PDCD6IP: variants seen among roughly 807,000 people sequenced by gnomAD.
PDCD6IP encodes programmed cell death 6-interacting protein.
A neutral mutation model predicts 103.7 loss-of-function variants in PDCD6IP; 43 were observed. The ratio of observed to expected loss-of-function variants is 0.41; its 90% CI spans 0.32 to 0.53. The LOEUF is 0.53. PDCD6IP is among the 20% of genes least tolerant of loss of function. PDCD6IP has a pLI of 0.16. For missense variants in PDCD6IP, 871 were observed against 1,036.7 expected, an observed-to-expected ratio of 0.84 and a Z score of 2.20; for synonymous variants, 354 against 378.7, an observed-to-expected ratio of 0.93 and a Z score of 0.76.
chr3:33,841,171 G>A (rs1697461279), intron 9 of PDCD6IP, among the ~76,000 whole-genome samples: 1 of 151,678 alleles, frequency 6.6e-6, no homozygotes, highest in South Asian at 2.1e-4. Context: ...GGGATTATAG[G>A]TGCTCACCAC....
chr3:33,824,005 A>G (rs1321399855), intron 4 of PDCD6IP, among the ~76,000 whole-genome samples: 2 of 152,178 alleles, frequency 1.3e-5, no homozygotes, highest in African/African-American at 4.8e-5. Context: ...CTTGCCACCC[A>G]GAAGCTTTGT....
intron 3 of PDCD6IP, among the ~76,000 whole-genome samples, chr3:33,816,288 C>T (rs1298537842): frequency 1.3e-5 from 2 of 151,928 alleles, no homozygotes; most frequent in Non-Finnish European, 2.9e-5. Flanking sequence ...GGGTGGATCA[C>T]GAGGTCAGGA....
chr3:33,827,378 T>C (rs934778094), intron 6 of PDCD6IP: 9 of 256,460 alleles, frequency 3.5e-5, no homozygotes, highest in Non-Finnish European at 5.5e-5. Flanking sequence ...TTGTAAGTCA[T>C]ATTCAGGAAT....
intron 17 of PDCD6IP, 43 bp from the exon 18 acceptor site, chr3:33,866,308 T>C: frequency 8.7e-7 from 1 of 1,148,416 alleles, no homozygotes; most frequent in Non-Finnish European, 1.2e-6. Flanking sequence ...TATTTTTTAG[T>C]ATTTGATTTA....
chr3:33,818,706 A>G (rs561464754), intron 3 of PDCD6IP, among the ~76,000 whole-genome samples: 83 of 151,576 alleles, frequency 5.5e-4, no homozygotes, highest in Non-Finnish European at 9.4e-4. Flanking sequence ...TTTAATAGAG[A>G]CAGGGTTTCA....
intron 5 of PDCD6IP, 55 bp downstream of exon 5, chr3:33,825,395 A>G: frequency 5.0e-6 from 7 of 1,413,804 alleles, no homozygotes; most frequent in Non-Finnish European, 5.8e-6. Flanking sequence ...AGGCTTTTAA[A>G]TTAAGAAAGT....
At chr3:33,813,845 G>A (rs962127022) in intron 3 of PDCD6IP, among the ~76,000 whole-genome samples, 3 of 152,274 alleles carry the variant, frequency 2.0e-5, no homozygotes, top group South Asian at 2.1e-4. Context: ...GAATAAAACC[G>A]ATGTACTTAG....
chr3:33,832,606 T>C (rs560916499), intron 7 of PDCD6IP, among the ~76,000 whole-genome samples: 40 of 152,326 alleles, frequency 2.6e-4, no homozygotes, highest in Admixed American at 1.7e-3. Flanking sequence ...ATTTATTTTA[T>C]AATAGCCTTG....
intron 1 of PDCD6IP, among the ~76,000 whole-genome samples, chr3:33,804,116 G>T (rs1409771720): frequency 6.6e-6 from 1 of 152,232 alleles, no homozygotes; most frequent in African/African-American, 2.4e-5. Context: ...CCACGGCCAT[G>T]AAAATTTAGG....
chr3:33,832,404 G>A (rs1403460018), intron 7 of PDCD6IP, among the ~76,000 whole-genome samples: 2 of 152,170 alleles, frequency 1.3e-5, no homozygotes, highest in African/African-American at 2.4e-5. Context: ...GCACAGTCCC[G>A]TACATAGCAG....
chr3:33,806,365 G>T (rs940687363), intron 1 of PDCD6IP, among the ~76,000 whole-genome samples: 2 of 152,102 alleles, frequency 1.3e-5, no homozygotes, highest in Non-Finnish European at 2.9e-5. Flanking sequence ...AAGGTTCAGA[G>T]AAATTGAATA....
rs887989104 is a variant in PDCD6IP at position 33,798,758 on chromosome 3, A to G, written c.30A>G (p.Lys10=). The G allele has an allele frequency of 1.2e-5, 19 of 1,573,782 alleles. No homozygotes were observed. Among genetic ancestry groups the G allele is most frequent in the Non-Finnish European group, 1.6e-5 (19 of 1,159,974 alleles). Residue 10 remains lysine (K), a synonymous_variant, in exon 1 of 18, where the codon AAA becomes AAG. Coordinates refer to ENST00000307296, the MANE Select transcript of PDCD6IP (RefSeq NM_013374.6). The stretch of plus-strand genomic sequence containing the variant: ...CGACATTCATCTCGGTGCAGCTGAA[A>G]AAGACCTCAGAGGTGGACCTGGCCA... The part of the protein sequence containing the change: MATFISVQL[K]KTSEVDLAKP...
rs760895576 is a variant in PDCD6IP, at chr3:33,828,856, G to T, written c.721G>T (p.Val241Leu). 6.8e-6 allele frequency: 11 copies of T among 1,612,900 alleles called. No homozygotes were observed. The highest frequency in any genetic ancestry group is 3.3e-5 in the South Asian group (3 of 90,984). Residue 241 changes from valine (V) to leucine (L), a missense_variant, in exon 7 of 18, where the codon GTG becomes TTG. Around this residue, in one of 5 missense-constraint regions of PDCD6IP, gnomAD observed 242 missense variants for 250.7 expected, o/e 0.97. Coordinates refer to ENST00000307296, the MANE Select transcript of PDCD6IP (RefSeq NM_013374.6). ...CQYKDTLPKE[V>L]FPVLAAKHCI... ...TGGTCAGTATTTTTATTTCCAGGAG[G>T]TGTTCCCTGTCTTGGCTGCAAAGCA...
At chr3:33,818,097 G>GTTTTTTTT (rs756780125) in intron 3 of PDCD6IP, among the ~76,000 whole-genome samples, 10 of 68,088 alleles carry the variant, frequency 1.5e-4, no homozygotes, top group East Asian at 5.2e-4. Flanking sequence ...TTTCATTCTT[G>GTTTTTTTT]TTTTTTTTTT....
At chr3:33,831,643 T>G (rs187743609) in intron 7 of PDCD6IP, among the ~76,000 whole-genome samples, 16 of 152,248 alleles carry the variant, frequency 1.1e-4, no homozygotes, top group African/African-American at 3.9e-4. Flanking sequence ...TCAATTCCTG[T>G]TCCTCTTTTT....
chr3:33,823,473 C>T (rs1697041520), intron 4 of PDCD6IP, among the ~76,000 whole-genome samples: 1 of 152,160 alleles, frequency 6.6e-6, no homozygotes, highest in South Asian at 2.1e-4. Flanking sequence ...TGAGGCTATA[C>T]ATGGCAAATA....
chr3:33,854,436 A>G (rs1263708257), intron 14 of PDCD6IP, among the ~76,000 whole-genome samples: 3 of 152,170 alleles, frequency 2.0e-5, no homozygotes, highest in East Asian at 3.8e-4. Flanking sequence ...GGCCTGCCCA[A>G]GTGTCAGAAG....
At chr3:33,799,032 G>GCGGAGCCGCCCCGTCCCGGC (rs1429580176) in intron 1 of PDCD6IP, 95 bp downstream of exon 1, 11 of 1,215,468 alleles carry the variant, frequency 9.1e-6, no homozygotes, top group Non-Finnish European at 1.2e-5. Context: ...TGTAACCTGG[G>GCGGAGCCGCCCCGTCCCGGC]CGGAGCCGCC....
intron 12 of PDCD6IP, among the ~76,000 whole-genome samples, chr3:33,848,306 CG>C (rs2125570303): frequency 6.6e-6 from 1 of 152,184 alleles, no homozygotes; most frequent in African/African-American, 2.4e-5. Flanking sequence ...CAAGTTTCTG[CG>C]TTCGTTGCTG....
Sources: gnomAD v4.1 joint callset for allele counts (sites outside exome capture counted in the v4.1 genomes callset) on GRCh38, gnomAD v4.1.1 for gene constraint, gnomAD v4.1.1 regional missense constraint, MANE v1.5 for transcripts, NCBI Gene and HGNC (gene_info 2026-07-23, HGNC 2026-07-21) for gene names.